SYTL5: variants seen among roughly 807,000 people sequenced by gnomAD.
The protein encoded by SYTL5 is synaptotagmin-like protein 5.
A neutral mutation model predicts 55.9 loss-of-function variants in SYTL5; 34 were observed. That is an observed-to-expected ratio of 0.61 (90% CI 0.46 to 0.81). SYTL5 has a LOEUF of 0.81. Ranked by LOEUF, SYTL5 falls within the 30% of genes least tolerant of loss-of-function variation. The probability of loss-of-function intolerance (pLI) is 0.00; values close to 1 mark genes in which losing one functional copy is unlikely to be tolerated. For missense variants in SYTL5, 637 were observed against 546.7 expected (o/e 1.17, Z -1.65); for synonymous variants, 221 against 188.7 (o/e 1.17, Z -1.40).
At chrX:37,902,421 C>T in the SYTL5 span, among the ~76,000 whole-genome samples, 1 of 112,000 alleles carries the variant, frequency 8.9e-6, no homozygotes, top group Admixed American at 9.5e-5. Context: ...AAGTCATCAC[C>T]TGATATATTA....
At chrX:37,900,860 G>A in the SYTL5 span, among the ~76,000 whole-genome samples, 2 of 111,549 alleles carry the variant, frequency 1.8e-5, no homozygotes, top group East Asian at 2.8e-4. Context: ...TGTGTGTGGA[G>A]GGGGCTTCAG....
chrX:37,982,039 A>G, the SYTL5 span, among the ~76,000 whole-genome samples: 1 of 112,393 alleles, frequency 8.9e-6, no homozygotes. Context: ...AGGAAAGTAT[A>G]ATCCATATAC....
intron 1 of SYTL5, among the ~76,000 whole-genome samples, chrX:38,020,408 CATATATATATATATATATAT>C (rs59575156): frequency 7.7e-4 from 45 of 58,568 alleles, no homozygotes; most frequent in South Asian, 5.9e-3. Flanking sequence ...TATGTGTGTG[CATATATATATATATATATAT>C]ATATATATAT....
At chrX:37,928,116 G>A in the SYTL5 span, among the ~76,000 whole-genome samples, 1 of 112,077 alleles carries the variant, frequency 8.9e-6, no homozygotes, top group Non-Finnish European at 1.9e-5. Flanking sequence ...ATATATACCT[G>A]TCCAGAATCA....
intron 1 of SYTL5, among the ~76,000 whole-genome samples, chrX:38,031,624 A>G (rs1235394100): frequency 1.8e-5 from 2 of 112,515 alleles, no homozygotes; most frequent in African/African-American, 3.2e-5. Context: ...TATGTCTTCA[A>G]TGAACCCTGG....
chrX:38,018,790 A>T (rs1220001485), intron 1 of SYTL5, among the ~76,000 whole-genome samples: 1 of 111,397 alleles, frequency 9.0e-6, no homozygotes, highest in East Asian at 2.8e-4. Context: ...TTTCTCTTCC[A>T]TACCACCCAC....
chrX:37,950,812 T>G, the SYTL5 span, among the ~76,000 whole-genome samples: 1 of 111,710 alleles, frequency 9.0e-6, no homozygotes, highest in African/African-American at 3.2e-5. Flanking sequence ...TATGAAAGTA[T>G]AAAGATGTTT....
chrX:37,981,447 CA>C, the SYTL5 span, among the ~76,000 whole-genome samples: 3 of 111,214 alleles, frequency 2.7e-5, no homozygotes, highest in Non-Finnish European at 5.7e-5. Flanking sequence ...AGGTGCATGC[CA>C]CCATGCCTAG....
At chrX:38,004,631 A>G (rs773951002), upstream of SYTL5, among the ~76,000 whole-genome samples, 3 of 111,752 alleles carry the variant, frequency 2.7e-5, no homozygotes, top group African/African-American at 9.8e-5. Flanking sequence ...AACAACATGG[A>G]TGGAACTGAA....
chrX:37,895,473 C>CATCCCT, the SYTL5 span, among the ~76,000 whole-genome samples: 1 of 91,923 alleles, frequency 1.1e-5, no homozygotes, highest in African/African-American at 4.8e-5. Flanking sequence ...TCCCTCCCTC[C>CATCCCT]CTCTCTCTCT....
At position 38,125,657 on chromosome X, in the gene SYTL5, C is replaced by T. The variant is rs993236094; in HGVS notation, c.2050+151C>T. On this transcript the variant is annotated intron_variant, in intron 16 of 16. Coordinates refer to ENST00000297875, the MANE Select transcript of SYTL5 (RefSeq NM_138780.3). The stretch of plus-strand genomic sequence containing the variant: ...ATACTTCATTCCTTTAGCTAAGGAT[C>T]TATTCATTGTTAAAATACAAATATA... 1.3e-5 allele frequency: 6 copies of T among 452,724 alleles called. No homozygotes were observed. In the African/African-American group the frequency reaches 1.5e-4, roughly 11 times the overall value. 37.3% of individuals were successfully genotyped at this position (452,724 alleles called of 1,213,427 possible). A position where few individuals can be genotyped will look rare whatever the true frequency, so the allele number is the denominator to read the frequency against.
At chrX:38,078,427 A>AT (rs1489096237) in intron 6 of SYTL5, among the ~76,000 whole-genome samples, 2 of 109,683 alleles carry the variant, frequency 1.8e-5, no homozygotes, top group Admixed American at 1.9e-4. Flanking sequence ...CGCCCAGCTA[A>AT]TTTTTTGTAT....
chrX:38,095,135 T>C (rs1158712079), intron 8 of SYTL5, among the ~76,000 whole-genome samples: 1 of 112,061 alleles, frequency 8.9e-6, no homozygotes, highest in African/African-American at 3.2e-5. Context: ...GGCAGGATTC[T>C]GTTTGCTGAA....
intron 2 of SYTL5, among the ~76,000 whole-genome samples, chrX:38,046,082 G>A (rs1294940497): frequency 9.0e-6 from 1 of 111,684 alleles, no homozygotes; most frequent in African/African-American, 3.3e-5. Context: ...ATACTGGTGT[G>A]TGGGAAGAGT....
chrX:38,030,062 T>C (rs1226678173), intron 1 of SYTL5, among the ~76,000 whole-genome samples: 2 of 111,539 alleles, frequency 1.8e-5, no homozygotes, highest in Non-Finnish European at 3.8e-5. Context: ...AATCAGCCCA[T>C]CTCCATAGGA....
At chrX:38,105,143 C>T (rs1201278918) in intron 10 of SYTL5, among the ~76,000 whole-genome samples, 1 of 112,628 alleles carries the variant, frequency 8.9e-6, no homozygotes, top group Non-Finnish European at 1.9e-5. Flanking sequence ...TGCAGTGTGG[C>T]TCCTACAGTG....
intron 2 of SYTL5, among the ~76,000 whole-genome samples, chrX:38,043,453 G>A (rs1935344250): frequency 9.6e-6 from 1 of 103,940 alleles, no homozygotes; most frequent in Non-Finnish European, 2.0e-5. Context: ...TATACATACT[G>A]TATAAAATAT....
At chrX:37,890,964 G>A in the SYTL5 span, among the ~76,000 whole-genome samples, 1 of 111,391 alleles carries the variant, frequency 9.0e-6, no homozygotes, top group Non-Finnish European at 1.9e-5. Flanking sequence ...TTGAAACCAG[G>A]AATTCAAGAC....
intron 1 of SYTL5, among the ~76,000 whole-genome samples, chrX:38,011,476 TAC>T (rs1254354836): frequency 1.9e-5 from 2 of 106,338 alleles, no homozygotes; most frequent in Non-Finnish European, 3.9e-5. Context: ...CTAAAAAAAA[TAC>T]AAAAAATTAG....
Sources: gnomAD v4.1 joint callset for allele counts (sites outside exome capture counted in the v4.1 genomes callset) on GRCh38, gnomAD v4.1.1 for gene constraint, MANE v1.5 for transcripts, NCBI Gene and HGNC (gene_info 2026-07-23, HGNC 2026-07-21) for gene names.